The following NBPF19 variants were observed in gnomAD, a reference collection of about 807,000 sequenced individuals.
The protein encoded by NBPF19 is NBPF family member NBPF19.
In NBPF19, 30 loss-of-function variants were observed where a neutral mutation model predicts 45.9. The ratio of observed to expected loss-of-function variants is 0.65; its 90% CI spans 0.49 to 0.89. The LOEUF is 0.89. NBPF19 is among the 40% of genes least tolerant of loss of function. NBPF19 has a pLI of 0.00. For synonymous variants in NBPF19, 183 were observed against 181.2 expected (o/e 1.01, Z -0.08); for missense variants, 495 against 471.8 (o/e 1.05, Z -0.46).
Position 149,554,930 on chromosome 1 carries a change from G to T in NBPF19, c.*192G>T, listed in dbSNP as rs2087211237. ...TCTGAAGACAATGGACCCACGTTAG[G>T]TGTGACACGTTCACATAACTGTGCA... is the stretch of plus-strand genomic sequence containing the variant. On this transcript the variant is annotated 3_prime_UTR_variant, in exon 94 of 94. Coordinates refer to ENST00000651566, the MANE Select transcript of NBPF19 (RefSeq NM_001351365.2). The T allele has an allele frequency of 4.1e-6, 4 of 964,290 alleles. No homozygotes were observed. Among genetic ancestry groups the T allele is most frequent in the South Asian group, 1.6e-5 (1 of 62,496 alleles). The allele number at this position is 964,290 out of a possible 1,614,324, so 59.7% of individuals were successfully genotyped here.
rs1419154656 is a variant in NBPF19, at chr1:149,516,179, GA to G, written c.5432+250del. Among the ~76,000 whole-genome samples the G allele has an allele frequency of 1.1e-4, 11 of 98,306 alleles. No individual in the cohort carries two copies. The South Asian group carries it at 4.2e-3, about 37-fold the overall frequency. The allele number at this position is 98,306 out of a possible 152,430, so 64.5% of individuals were successfully genotyped here. ...TCTCATGGCCACTGCATCGAATTTT[GA>G]GCATATTTTATGGAAAACTATTGAG... On this transcript the variant is annotated intron_variant, in intron 45 of 93. Coordinates refer to ENST00000651566, the MANE Select transcript of NBPF19 (RefSeq NM_001351365.2).
At chr1:149,487,753 T>C (rs1379596597) in intron 9 of NBPF19, among the ~76,000 whole-genome samples, 13 of 148,666 alleles carry the variant, frequency 8.7e-5, no homozygotes, top group African/African-American at 3.0e-4. Flanking sequence ...GTGTGTCACC[T>C]GACCAATTGA....
At chr1:149,554,421 C>A in intron 93 of NBPF19, 74 bp from the exon 94 acceptor site, 1 of 1,607,200 alleles carries the variant, frequency 6.2e-7, no homozygotes, top group African/African-American at 1.3e-5. Flanking sequence ...CCTTATGTGA[C>A]TTCTGAAATC....
Position 149,554,819 on chromosome 1 carries a change from C to G in NBPF19, c.*81C>G, listed in dbSNP as rs1300021572. Reference sequence around the variant, plus strand: ...TGAAGATTTGAATGAAACTACAGTTCCATTTGGAAGCCCAGACATAGGATG... The same window carrying G: ...TGAAGATTTGAATGAAACTACAGTTGCATTTGGAAGCCCAGACATAGGATG... On this transcript the variant is annotated 3_prime_UTR_variant, in exon 94 of 94. Coordinates refer to ENST00000651566, the MANE Select transcript of NBPF19 (RefSeq NM_001351365.2). 3.1e-6 allele frequency: 5 copies of G among 1,596,274 alleles called. No homozygotes were observed. In the East Asian group the frequency reaches 8.9e-5, roughly 29 times the overall value.
chr1:149,487,904 T>G (rs1373625128), intron 9 of NBPF19, 109 bp from the exon 10 acceptor site: 2 of 744,912 alleles, frequency 2.7e-6, no homozygotes, highest in East Asian at 2.6e-5. Flanking sequence ...CTAATGGATC[T>G]CTCCTTTTTC....
intron 9 of NBPF19, 137 bp from the exon 10 acceptor site, chr1:149,487,876 C>T (rs1297380304): frequency 4.3e-6 from 3 of 698,498 alleles, no homozygotes; most frequent in Non-Finnish European, 7.9e-6. Flanking sequence ...AACATAAAGG[C>T]AATAATTTGT....
In NBPF19 at chr1:149,554,546, A is replaced by T. The variant is rs1429762850; in HGVS notation, c.11340A>T (p.Ser3780=). The change falls in exon 94 of 94, where the codon TCA becomes TCT. Residue 3780 remains serine, a synonymous_variant. Transcript: ENST00000651566. The part of the protein sequence containing the change: ...EVEEPEVLQD[S]LDGCYSTPSM... ...AAGAGCCTGAAGTCTTACAGGACTC[A>T]CTGGATGGATGTTATTCGACTCCGT... 4.4e-6 allele frequency: 7 copies of T among 1,608,128 alleles called. No homozygotes were observed. The highest frequency in any genetic ancestry group is 1.1e-5 in the South Asian group (1 of 90,884).
At position 149,554,853 on chromosome 1, in the gene NBPF19, G is replaced by A. The variant is rs2087209166; in HGVS notation, c.*115G>A. 25 of 1,545,654 alleles carry A rather than the reference G, an allele frequency of 1.6e-5. No homozygotes were observed. The highest frequency in any genetic ancestry group is 2.4e-4 in the Middle Eastern group (1 of 4,226). ...AGCCCAGACATAGGATGGGTCAGTG[G>A]GCATGGCTCTTTTCCTATTCTCAAA... is the stretch of plus-strand genomic sequence containing the variant. On this transcript the variant is annotated 3_prime_UTR_variant, in exon 94 of 94. Transcript: ENST00000651566.
intron 2 of NBPF19, 118 bp from the exon 3 acceptor site, chr1:149,477,827 G>A (rs2084934191): frequency 1.2e-6 from 1 of 832,910 alleles, no homozygotes. Flanking sequence ...TCCCTGTCTA[G>A]ACCCTGGTAC....
Position 149,477,967 on chromosome 1 carries a change from C to T in NBPF19, c.198C>T (p.Leu66=), listed in dbSNP as rs1454696829. 3.9e-5 allele frequency: 57 copies of T among 1,452,938 alleles called. 1 individual carries two copies. In the South Asian group the frequency reaches 6.3e-4, roughly 16 times the overall value. 90.0% of individuals were successfully genotyped at this position (1,452,938 alleles called of 1,614,324 possible). The change falls in exon 3 of 94, where the codon CTC becomes CTT. Residue 66 remains leucine (L), a synonymous_variant. Transcript: ENST00000651566. ...KKYKYEECKD[L]IKFMLRNERQ... ...CAGAGTATGAAGAGTGTAAAGACCT[C>T]ATAAAATTTATGCTGAGGAATGAGC...
At chr1:149,520,969 T>C (rs2086693816) in intron 51 of NBPF19, among the ~76,000 whole-genome samples, 1 of 29,724 alleles carries the variant, frequency 3.4e-5, no homozygotes, top group East Asian at 7.2e-4. Context: ...CTCACTCTTT[T>C]CATGATCACA....
chr1:149,479,716 G>C (rs2085059514), intron 4 of NBPF19, among the ~76,000 whole-genome samples: 1 of 150,006 alleles, frequency 6.7e-6, no homozygotes, highest in Non-Finnish European at 1.5e-5. Context: ...CACATGGAGG[G>C]CCTGTGCAGT....
At chr1:149,490,900 G>C (rs1231582526) in intron 13 of NBPF19, among the ~76,000 whole-genome samples, 3,019 of 124,832 alleles carry the variant, frequency 0.024, 216 homozygotes, top group Non-Finnish European at 0.033. Flanking sequence ...CTCTCTCTCT[G>C]TGTGTGTGTG....
In NBPF19 at chr1:149,554,569, C is replaced by A. The variant is rs1348830149; in HGVS notation, c.11363C>A (p.Pro3788Gln). ...QDSLDGCYST[P>Q]SMYFELPDSF... ...TCACTGGATGGATGTTATTCGACTC[C>A]GTCAATGTACTTTGAACTACCTGAC... Residue 3788 changes from proline to glutamine, a missense_variant, in exon 94 of 94, where the codon CCG becomes CAG. Physicochemically the swap from Pro to Gln is moderately conservative, Grantham distance 76. Coordinates refer to ENST00000651566, the MANE Select transcript of NBPF19 (RefSeq NM_001351365.2). 0.014 allele frequency: 21,848 copies of A among 1,608,154 alleles called. 1,055 individuals carry two copies. Among genetic ancestry groups the A allele is most frequent in the Middle Eastern group, 0.023 (103 of 4,428 alleles).
At chr1:149,516,351 G>GTCTCTC (rs1182865579) in intron 45 of NBPF19, among the ~76,000 whole-genome samples, 2 of 119,034 alleles carry the variant, frequency 1.7e-5, no homozygotes, top group South Asian at 2.7e-4. Context: ...CTCTGTCTCT[G>GTCTCTC]TCTCTCTCTC....
At chr1:149,487,923 C>T (rs2085708098) in intron 9 of NBPF19, 90 bp from the exon 10 acceptor site, 2 of 732,798 alleles carry the variant, frequency 2.7e-6, no homozygotes, top group Non-Finnish European at 5.0e-6. Flanking sequence ...TCTTTTCAAA[C>T]TCTTCCTTAT....
intron 73 of NBPF19, among the ~76,000 whole-genome samples, chr1:149,538,420 G>C (rs1553334543): frequency 1.1e-4 from 2 of 18,022 alleles, no homozygotes; most frequent in African/African-American, 3.0e-4. Context: ...CACTGAGCTC[G>C]TTCTCTCTCT....
At position 149,556,213 on chromosome 1, in the gene NBPF19, C is replaced by G. The variant is rs2087245254; in HGVS notation, c.*1475C>G. On this transcript the variant is annotated 3_prime_UTR_variant, in exon 94 of 94. Coordinates refer to ENST00000651566, the MANE Select transcript of NBPF19 (RefSeq NM_001351365.2). ...CTCTGCCTGAGTTTTAATTTTTGTC[C>G]AAAGTTAATTTTAATCTATACAATT... The G allele has an allele frequency of 2.0e-5, 3 of 146,944 alleles. No homozygotes were observed. The highest frequency in any genetic ancestry group is 4.0e-4 in the East Asian group (2 of 4,998). The allele number at this position is 146,944 out of a possible 1,614,324, so 9.1% of individuals were successfully genotyped here.
In NBPF19 at chr1:149,554,640, C is replaced by A. The variant is rs1448925957; in HGVS notation, c.11434C>A (p.His3812Asn). 1 of 1,608,232 alleles carries A rather than the reference C, an allele frequency of 6.2e-7. No homozygotes were observed. Among genetic ancestry groups the A allele is most frequent in the East Asian group, 2.2e-5 (1 of 44,860 alleles). The change falls in exon 94 of 94, where the codon CAT becomes AAT. Residue 3812 changes from histidine to asparagine, a missense_variant. Around this residue, in one of 8 missense-constraint regions of NBPF19, gnomAD observed 248 missense variants for 95.4 expected, o/e 2.60. Transcript: ENST00000651566. Reference protein sequence around the residue: ...RSVFYSFEEEHISFALYLDNR... With the variant: ...RSVFYSFEEENISFALYLDNR... ...TGTGTTTTACTCATTTGAGGAAGAG[C>A]ATATCAGCTTCGCCCTTTACTTGGA...
Sources: gnomAD v4.1 joint callset for allele counts (sites outside exome capture counted in the v4.1 genomes callset) on GRCh38, gnomAD v4.1.1 for gene constraint, gnomAD v4.1.1 regional missense constraint, MANE v1.5 for transcripts, NCBI Gene and HGNC (gene_info 2026-07-23, HGNC 2026-07-21) for gene names.